CPS1: variants seen among roughly 807,000 people sequenced by gnomAD.
CPS1 encodes carbamoyl-phosphate synthase [ammonia], mitochondrial.
CPS1 carries 109 observed loss-of-function variants against 174.6 expected under a neutral mutation model. The ratio of observed to expected loss-of-function variants is 0.62; its 90% CI spans 0.53 to 0.73. CPS1 has a LOEUF of 0.73. CPS1 is among the 30% of genes least tolerant of loss of function. The pLI is 0.00. For missense variants in CPS1, 1,689 were observed against 1,821.9 expected, an observed-to-expected ratio of 0.93 and a Z score of 1.33; for synonymous variants, 637 against 632.0, an observed-to-expected ratio of 1.01 and a Z score of -0.12.
rs73984680 is a variant in CPS1 at position 210,646,800 on chromosome 2, G to A, written c.3142-1063G>A. Among the ~76,000 whole-genome samples, 549 of 152,146 alleles carry A rather than the reference G, an allele frequency of 3.6e-3. 4 individuals carry two copies. The highest frequency in any genetic ancestry group is 0.012 in the African/African-American group (518 of 41,524). On this transcript the variant is annotated intron_variant, in intron 25 of 37. Transcript: ENST00000233072. ...GTTGTCTATAAAATTAGACAAGAAGGGGTGGGTGGTACACAGAAGGAACCA... is the reference window on the plus strand; with the variant it reads ...GTTGTCTATAAAATTAGACAAGAAGAGGTGGGTGGTACACAGAAGGAACCA...
intron 34 of CPS1, among the ~76,000 whole-genome samples, chr2:210,670,081 G>A (rs1211276889): frequency 6.6e-6 from 1 of 152,094 alleles, no homozygotes; most frequent in Non-Finnish European, 1.5e-5. Flanking sequence ...TTTTCTTAAA[G>A]TAGTGAGAGC....
At chr2:210,521,689 A>C (rs1048980534) in intron 1 of CPS1, among the ~76,000 whole-genome samples, 1 of 151,980 alleles carries the variant, frequency 6.6e-6, no homozygotes, top group Admixed American at 6.6e-5. Context: ...TTTTAAAAAT[A>C]TCTCTCATGA....
At chr2:210,489,122 T>A (rs1006833893) in intron 1 of CPS1, among the ~76,000 whole-genome samples, 3 of 152,132 alleles carry the variant, frequency 2.0e-5, no homozygotes, top group Non-Finnish European at 4.4e-5. Context: ...TTATAGATGA[T>A]GGGAAAGCTT....
intron 1 of CPS1, among the ~76,000 whole-genome samples, chr2:210,487,526 A>G (rs767085866): frequency 6.6e-6 from 1 of 152,248 alleles, no homozygotes; most frequent in Non-Finnish European, 1.5e-5. Context: ...TTTACATAAA[A>G]TAGAAAAGCA....
In CPS1 at chr2:210,647,989, T is replaced by A. The variant is rs1700434675; in HGVS notation, c.3268T>A (p.Ser1090Thr). Residue 1090 changes from serine (S) to threonine (T), a missense_variant, in exon 26 of 38, where the codon TCC becomes ACC. Ser to Thr is a moderately conservative substitution (Grantham distance 58, BLOSUM62 1). Transcript: ENST00000233072. ...GCAGATCGACAGGGCTGAGGATCGC[T>A]CCATCTTCTCAGCTGTCTTGGATGA... ...PLQIDRAEDR[S>T]IFSAVLDELK... 1 of 1,613,956 alleles carries A rather than the reference T, an allele frequency of 6.2e-7. No homozygotes were observed. Among genetic ancestry groups the A allele is most frequent in the Non-Finnish European group, 8.5e-7 (1 of 1,179,960 alleles).
intron 11 of CPS1, chr2:210,593,387 A>G: frequency 9.3e-7 from 1 of 1,075,368 alleles, no homozygotes; most frequent in Non-Finnish European, 1.1e-6. Flanking sequence ...GCAGCAGGAG[A>G]AGGAGGGGAA....
chr2:210,591,011 C>A, intron 9 of CPS1, 105 bp downstream of exon 9: 1 of 539,558 alleles, frequency 1.9e-6, no homozygotes, highest in Non-Finnish European at 3.4e-6. Context: ...TAAATAAATG[C>A]ACATGTACCC....
At position 210,536,191 on chromosome 2, in the gene CPS1, C is replaced by T. The variant is rs935614894; in HGVS notation, c.4-20528C>T. On this transcript the variant is annotated intron_variant, in intron 1 of 38. Transcript: ENST00000430249. ...TTCCTGCAAAATGACTTTATGTATA[C>T]ACAATTTTTAAAAACTGCATACAAG... 3.3e-5 allele frequency among the ~76,000 whole-genome samples: 5 copies of T among 152,026 alleles called. No individual in the cohort carries two copies. In the East Asian group the frequency reaches 9.6e-4, roughly 29 times the overall value.
Position 210,608,549 on chromosome 2 carries a change from G to C in CPS1, c.2381G>C (p.Ser794Thr). 4 of 1,611,962 alleles carry C rather than the reference G, an allele frequency of 2.5e-6. No homozygotes were observed. Among genetic ancestry groups the C allele is most frequent in the Non-Finnish European group, 1.7e-6 (2 of 1,178,576 alleles). ...AGCCGAATTGGTAGCTCTATGAAAA[G>C]TGTAGGAGAGGTGAGTCCTTGGTTT... is the stretch of plus-strand genomic sequence containing the variant. ...TSSRIGSSMKSVGEVMAIGRT... is the reference protein window; with the variant it reads ...TSSRIGSSMKTVGEVMAIGRT... Residue 794 changes from serine to threonine, a missense_variant, in exon 19 of 38, where the codon AGT becomes ACT. Ser to Thr is a moderately conservative substitution (Grantham distance 58). Transcript: ENST00000233072.
chr2:210,594,783 G>A (rs1005082103), intron 12 of CPS1, among the ~76,000 whole-genome samples, 177 bp downstream of exon 12: 1 of 151,802 alleles, frequency 6.6e-6, no homozygotes, highest in Non-Finnish European at 1.5e-5. Flanking sequence ...GATGTCTAGT[G>A]GAACTTCTCA....
At chr2:210,556,497 TA>T (rs1357995365), upstream of CPS1, 1 of 1,249,978 alleles carries the variant, frequency 8.0e-7, no homozygotes, top group African/African-American at 1.5e-5. Flanking sequence ...CAATTTGTGT[TA>T]CATGCCCATG....
chr2:210,568,335 TTGAA>T (rs757342129), intron 1 of CPS1, among the ~76,000 whole-genome samples: 7 of 151,902 alleles, frequency 4.6e-5, no homozygotes, highest in African/African-American at 7.3e-5. Context: ...TGAGAGGACT[TTGAA>T]TGTGAATTGA....
At chr2:210,579,825 T>C in intron 5 of CPS1, 55 bp downstream of exon 5, 2 of 1,436,540 alleles carry the variant, frequency 1.4e-6, no homozygotes. Flanking sequence ...TGTGTGTGTG[T>C]GTGTGTGTGG....
At chr2:210,554,104 C>CAT (rs1254809593), upstream of CPS1, among the ~76,000 whole-genome samples, 1 of 142,908 alleles carries the variant, frequency 7.0e-6, no homozygotes, top group Non-Finnish European at 1.5e-5. Flanking sequence ...TATGTATATA[C>CAT]ACATATATAT....
chr2:210,638,859 GTC>G (rs1381296212), intron 22 of CPS1, among the ~76,000 whole-genome samples: 14 of 152,138 alleles, frequency 9.2e-5, no homozygotes, highest in African/African-American at 3.4e-4. Flanking sequence ...GGTGGGGTAA[GTC>G]TTCCTAGTAA....
intron 1 of CPS1, among the ~76,000 whole-genome samples, chr2:210,481,319 A>G (rs949838104): frequency 2.0e-5 from 3 of 152,214 alleles, no homozygotes; most frequent in Admixed American, 1.3e-4. Flanking sequence ...ATATGTGTCT[A>G]TATTGCATTG....
chr2:210,634,322 C>G (rs112302136), intron 21 of CPS1, among the ~76,000 whole-genome samples: 6 of 152,016 alleles, frequency 3.9e-5, no homozygotes, highest in African/African-American at 1.5e-4. Flanking sequence ...CCCAGCTACT[C>G]GGGAGGCTGA....
At chr2:210,501,010 C>A (rs1009030550) in intron 1 of CPS1, among the ~76,000 whole-genome samples, 1 of 152,154 alleles carries the variant, frequency 6.6e-6, no homozygotes, top group South Asian at 2.1e-4. Context: ...GACTTCTCTG[C>A]ACCCACAGGC....
Position 210,583,959 on chromosome 2 carries a change from G to A in CPS1, c.621+1250G>A, listed in dbSNP as rs111832775. Among the ~76,000 whole-genome samples the A allele has an allele frequency of 7.0e-3, 1,065 of 152,154 alleles. 12 individuals are homozygous for A. The highest frequency in any genetic ancestry group is 0.024 in the African/African-American group (1,002 of 41,512). ...CCGCTTATACAAATGGGAGGAAGAG[G>A]GGCTGAATGAGGTCAGGTAAAAGAT... On this transcript the variant is annotated intron_variant, in intron 6 of 37. Transcript: ENST00000233072.
Sources: gnomAD v4.1 joint callset for allele counts (sites outside exome capture counted in the v4.1 genomes callset) on GRCh38, gnomAD v4.1.1 for gene constraint, MANE v1.5 for transcripts, NCBI Gene and HGNC (gene_info 2026-07-23, HGNC 2026-07-21) for gene names.